The following RILPL1 variants were observed in gnomAD, a reference collection of about 807,000 sequenced individuals.
The protein encoded by RILPL1 is RILP-like protein 1.
Under a neutral mutation model 50.3 loss-of-function variants are expected in RILPL1, and 33 were observed. That is an observed-to-expected ratio of 0.66 (90% CI 0.50 to 0.88). The LOEUF is 0.88. Among genes scored for constraint, RILPL1 ranks in the 40% least tolerant of loss-of-function variants. The pLI, the probability that RILPL1 is intolerant of heterozygous loss-of-function variation, is 0.00. For synonymous variants in RILPL1, 205 were observed against 228.6 expected (o/e 0.90, Z 0.93); for missense variants, 418 against 542.5 (o/e 0.77, Z 2.28).
chr12:123,499,483 T>A lies in RILPL1; in HGVS notation c.514A>T (p.Lys172Ter). The change falls in exon 3 of 7, where the codon AAA becomes TAA. Residue 172 changes from lysine (K) to a stop codon, truncating the protein, a stop_gained. Transcript: ENST00000376874. LOFTEE classifies it high-confidence loss of function. ...TTGGCGCGGATCTCGTCGCGTTGTT[T>A]GTCCACCACCTCCTTCAGCTTCTTC... ...VMKKLKEVVD[K>*]QRDEIRAKDR... The A allele has an allele frequency of 1.2e-6, 2 of 1,614,000 alleles. No individual in the cohort carries two copies. Among genetic ancestry groups the A allele is most frequent in the Non-Finnish European group, 1.7e-6 (2 of 1,179,880 alleles).
rs781448909 is a variant in RILPL1 at position 123,484,218 on chromosome 12, C to T, written c.1029G>A (p.Pro343=). 37 of 1,164,816 alleles carry T rather than the reference C, an allele frequency of 3.2e-5. No individual in the cohort carries two copies. Among genetic ancestry groups the T allele is most frequent in the Admixed American group, 1.5e-4 (8 of 54,794 alleles). 72.2% of individuals were successfully genotyped at this position (1,164,816 alleles called of 1,614,324 possible). ...CCGACTCCGGCTGGGGGGACGTCCT[C>T]GGGTGGGCGATGGGTGGGGGTTGGG... ...RIPQPPPIAH[P]RTSPQPESGI... Residue 343 remains proline, a synonymous_variant, in exon 6 of 7, where the codon CCG becomes CCA. Coordinates refer to ENST00000376874, the MANE Select transcript of RILPL1 (RefSeq NM_178314.5).
In RILPL1 at chr12:123,484,138, G is replaced by T. The variant is rs561706128; in HGVS notation, c.1067+42C>A. ...GGAAAAGTCAAAGGACACGTGAACCGCCAGGTCAGCCGAGCGCAGAAGCTG... is the reference window on the plus strand; with the variant it reads ...GGAAAAGTCAAAGGACACGTGAACCTCCAGGTCAGCCGAGCGCAGAAGCTG... On this transcript the variant is annotated intron_variant, in intron 6 of 6. Transcript: ENST00000376874. 1.2e-4 allele frequency: 163 copies of T among 1,341,448 alleles called. 1 individual carries two copies. The East Asian group carries it at 3.6e-3, about 30-fold the overall frequency. The allele number at this position is 1,341,448 out of a possible 1,614,324, so 83.1% of individuals were successfully genotyped here.
intron 1 of RILPL1, among the ~76,000 whole-genome samples, chr12:123,528,766 A>T (rs1437975163): frequency 6.6e-6 from 1 of 152,108 alleles, no homozygotes. Flanking sequence ...GGGAATGAAT[A>T]CAGACTTTAA....
intron 4 of RILPL1, among the ~76,000 whole-genome samples, chr12:123,493,697 C>T (rs1882841612): frequency 1.3e-5 from 2 of 152,166 alleles, no homozygotes; most frequent in South Asian, 4.1e-4. Flanking sequence ...CTCACTGTTC[C>T]CTCTGCCTGG....
intron 2 of RILPL1, among the ~76,000 whole-genome samples, chr12:123,502,688 T>A (rs1883471688): frequency 6.6e-6 from 1 of 152,224 alleles, no homozygotes; most frequent in African/African-American, 2.4e-5. Context: ...CATTAAGTTA[T>A]TGTTGAATTA....
At chr12:123,500,658 T>C (rs900466941) in intron 2 of RILPL1, among the ~76,000 whole-genome samples, 1 of 152,152 alleles carries the variant, frequency 6.6e-6, no homozygotes, top group African/African-American at 2.4e-5. Flanking sequence ...AGACACTGGC[T>C]CTCCTATTTA....
At chr12:123,499,286 C>T in intron 3 of RILPL1, 132 bp downstream of exon 3, 1 of 646,966 alleles carries the variant, frequency 1.5e-6, no homozygotes, top group Non-Finnish European at 2.8e-6. Context: ...AAGCCATGAG[C>T]AGGATCCACA....
chr12:123,531,106 ACT>A (rs933868826), intron 1 of RILPL1, among the ~76,000 whole-genome samples: 4 of 134,036 alleles, frequency 3.0e-5, no homozygotes, highest in African/African-American at 6.1e-5. Flanking sequence ...AGCCTTTGAG[ACT>A]CTGCAGGAAA....
chr12:123,519,309 T>A (rs1884893138), intron 2 of RILPL1: 1 of 152,184 alleles, frequency 6.6e-6, no homozygotes, highest in South Asian at 2.1e-4. Flanking sequence ...ATGGCTTGCA[T>A]ACCTGTCATT....
chr12:123,514,043 A>G (rs1884546304), intron 2 of RILPL1: 1 of 152,392 alleles, frequency 6.6e-6, no homozygotes, highest in South Asian at 2.1e-4. Flanking sequence ...TCTGTAGCAG[A>G]TGAAAGATGG....
intron 1 of RILPL1, among the ~76,000 whole-genome samples, chr12:123,532,675 G>A (rs1188129455): frequency 7.7e-6 from 1 of 129,600 alleles, no homozygotes; most frequent in African/African-American, 2.8e-5. Context: ...AGTGGCTGGA[G>A]GTCACATTCC....
Position 123,498,626 on chromosome 12 carries a change from A to G in RILPL1, c.719T>C (p.Met240Thr), listed in dbSNP as rs770986815. The change falls in exon 4 of 7, where the codon ATG (methionine) becomes ACG (threonine). Residue 240 changes from methionine to threonine, a missense_variant. Physicochemically the swap from Met to Thr is moderately conservative, Grantham distance 81 (BLOSUM62 -1). Transcript: ENST00000376874. This position sits in a 1 kb window ranked among gnomAD's most constrained non-coding sequence, Gnocchi z 4.3. ...CCCCAGCTCTGCTCGCAGGCTGCCC[A>G]TCTCCTGCTCCTTGGTCTGCAGGTC... ...EADLQTKEQE[M>T]GSLRAELGKL... 6.8e-6 allele frequency: 11 copies of G among 1,613,350 alleles called. No homozygotes were observed. In the South Asian group the frequency reaches 1.1e-4, roughly 16 times the overall value.
At chr12:123,513,172 CGT>C (rs960628838) in intron 2 of RILPL1, among the ~76,000 whole-genome samples, 90 of 149,592 alleles carry the variant, frequency 6.0e-4, no homozygotes, top group African/African-American at 1.8e-3. Flanking sequence ...GTGTGTGTGG[CGT>C]GTGTGAGTGG....
Position 123,491,289 on chromosome 12 carries a change from G to A in RILPL1, c.802-5484C>T, listed in dbSNP as rs962488484. Among the ~76,000 whole-genome samples the A allele has an allele frequency of 6.6e-6, 1 of 152,170 alleles. No individual in the cohort carries two copies. The highest frequency in any genetic ancestry group is 2.4e-5 in the African/African-American group (1 of 41,434). On this transcript the variant is annotated intron_variant, in intron 4 of 6. Coordinates refer to ENST00000376874, the MANE Select transcript of RILPL1 (RefSeq NM_178314.5). The surrounding 1 kb of genome is among the most constrained non-coding windows in gnomAD (Gnocchi z 4.0). ...GCTCGGGTTAGCTGAGATAAGCTGG[G>A]GCCTTTTGTGGGTTGTCTGCTGATC...
chr12:123,522,885 G>T lies in RILPL1; in HGVS notation c.460+610C>A, dbSNP rs573657213. 6.6e-6 allele frequency among the ~76,000 whole-genome samples: 1 copy of T among 152,106 alleles called. No individual in the cohort carries two copies. Among genetic ancestry groups the T allele is most frequent in the Non-Finnish European group, 1.5e-5 (1 of 68,024 alleles). Reference sequence around the variant, plus strand: ...TGGGATCACAGGTGTGAGCCACTGCGCGCGGCCTACACCGGCCTTCTTGGT... The same window carrying T: ...TGGGATCACAGGTGTGAGCCACTGCTCGCGGCCTACACCGGCCTTCTTGGT... On this transcript the variant is annotated intron_variant, in intron 2 of 6. Transcript: ENST00000376874. This position sits in a 1 kb window ranked among gnomAD's most constrained non-coding sequence, Gnocchi z 4.0.
intron 6 of RILPL1, among the ~76,000 whole-genome samples, chr12:123,480,882 G>A (rs749941791): frequency 6.6e-6 from 1 of 152,148 alleles, no homozygotes; most frequent in African/African-American, 2.4e-5. Flanking sequence ...ACTTGAACTG[G>A]ATGGAGGTAA....
intron 4 of RILPL1, among the ~76,000 whole-genome samples, chr12:123,495,327 A>C (rs1344239255): frequency 1.3e-5 from 2 of 151,994 alleles, no homozygotes; most frequent in Non-Finnish European, 2.9e-5. Context: ...GCTACCCCTA[A>C]GAGCTTTTAG....
At position 123,485,066 on chromosome 12, in the gene RILPL1, C is replaced by T. The variant is rs75114457; in HGVS notation, c.974+567G>A. On this transcript the variant is annotated intron_variant, in intron 5 of 6. Coordinates refer to ENST00000376874, the MANE Select transcript of RILPL1 (RefSeq NM_178314.5). The surrounding 1 kb of genome is among the most constrained non-coding windows in gnomAD (Gnocchi z 4.0). ...ATCTTCCCCACTGGAGCAGGGACCA[C>T]CTCTGGTGCATGGGTCCTTCCTTCC... is the stretch of plus-strand genomic sequence containing the variant. 1,193 of 447,402 alleles carry T rather than the reference C, an allele frequency of 2.7e-3. 1 individual carries two copies. The highest frequency in any genetic ancestry group is 9.8e-3 in the African/African-American group (490 of 49,940). The allele number at this position is 447,402 out of a possible 1,614,324, so 27.7% of individuals were successfully genotyped here. A position where few individuals can be genotyped will look rare whatever the true frequency, so the allele number is the denominator to read the frequency against.
chr12:123,512,974 A>G (rs1387526129), intron 2 of RILPL1, among the ~76,000 whole-genome samples: 4 of 99,302 alleles, frequency 4.0e-5, no homozygotes, highest in African/African-American at 8.3e-5. Flanking sequence ...GGTGTGTGTG[A>G]GGTCTGTGTG....
Sources: gnomAD v4.1 joint callset for allele counts (sites outside exome capture counted in the v4.1 genomes callset) on GRCh38, gnomAD v4.1.1 for gene constraint, Gnocchi (gnomAD v3.1) non-coding constraint, MANE v1.5 for transcripts, NCBI Gene and HGNC (gene_info 2026-07-23, HGNC 2026-07-21) for gene names.